Variants in ENTREP2 observed in about 807,000 individuals in gnomAD.
ENTREP2 encodes the protein endosomal transmembrane epsin interactor 2.
the ENTREP2 span, among the ~76,000 whole-genome samples, chr15:29,623,740 T>C: frequency 6.6e-6 from 1 of 151,996 alleles, no homozygotes; most frequent in East Asian, 1.9e-4. Context: ...CACTACTGGG[T>C]TGGGGCACAT....
the ENTREP2 span, among the ~76,000 whole-genome samples, chr15:29,532,303 A>G: frequency 6.6e-6 from 1 of 152,258 alleles, no homozygotes; most frequent in African/African-American, 2.4e-5. Context: ...TATATTTTAC[A>G]CATATTCTGC....
At chr15:29,272,021 G>A in the ENTREP2 span, among the ~76,000 whole-genome samples, 12 of 151,142 alleles carry the variant, frequency 7.9e-5, no homozygotes, top group Non-Finnish European at 1.6e-4. Context: ...GACTACCCCT[G>A]TCACTGTGAA....
the ENTREP2 span, among the ~76,000 whole-genome samples, chr15:29,325,005 A>G: frequency 6.6e-6 from 1 of 152,238 alleles, no homozygotes; most frequent in Non-Finnish European, 1.5e-5. Context: ...CTTAGACCAC[A>G]GTAGAATGAA....
the ENTREP2 span, among the ~76,000 whole-genome samples, chr15:29,599,128 A>T: frequency 6.6e-6 from 1 of 152,250 alleles, no homozygotes; most frequent in Non-Finnish European, 1.5e-5. Context: ...CCATATTCTC[A>T]GCTCTACTGG....
chr15:29,510,776 C>G, the ENTREP2 span, among the ~76,000 whole-genome samples: 2 of 147,258 alleles, frequency 1.4e-5, no homozygotes, highest in African/African-American at 5.1e-5. Context: ...CGCCACTACA[C>G]TCCAGCCTCG....
the ENTREP2 span, among the ~76,000 whole-genome samples, chr15:29,331,123 C>T: frequency 3.9e-5 from 6 of 152,162 alleles, no homozygotes; most frequent in Admixed American, 6.5e-5. Context: ...TTTACACTGA[C>T]GGAATGAGGG....
the ENTREP2 span, among the ~76,000 whole-genome samples, chr15:29,575,104 T>A: frequency 9.0e-3 from 1,377 of 152,214 alleles, 26 homozygotes; most frequent in African/African-American, 0.032. Flanking sequence ...TTCAGGAGTC[T>A]CCAAAGGTGG....
At chr15:29,419,310 G>T in the ENTREP2 span, among the ~76,000 whole-genome samples, 1 of 152,200 alleles carries the variant, frequency 6.6e-6, no homozygotes, top group Non-Finnish European at 1.5e-5. Flanking sequence ...TAATCAAAGA[G>T]AAAATATAAA....
the ENTREP2 span, among the ~76,000 whole-genome samples, chr15:29,178,459 T>C: frequency 6.6e-6 from 1 of 152,270 alleles, no homozygotes; most frequent in South Asian, 2.1e-4. Context: ...CTCTGTTTTT[T>C]GTTTTTTGTC....
At chr15:29,154,046 T>A in the ENTREP2 span, among the ~76,000 whole-genome samples, 2 of 152,264 alleles carry the variant, frequency 1.3e-5, no homozygotes, top group Non-Finnish European at 2.9e-5. Context: ...TGTTTTTAAT[T>A]TCATTTTCCA....
chr15:29,333,058 T>C, the ENTREP2 span, among the ~76,000 whole-genome samples: 1 of 151,506 alleles, frequency 6.6e-6, no homozygotes, highest in African/African-American at 2.4e-5. Flanking sequence ...TAGGGGTGAC[T>C]GGCAGAAACT....
chr15:29,654,572 T>A, the ENTREP2 span, among the ~76,000 whole-genome samples: 3 of 152,206 alleles, frequency 2.0e-5, no homozygotes, highest in Non-Finnish European at 2.9e-5. Flanking sequence ...ACACCCATCC[T>A]ACGCTCTCAA....
the ENTREP2 span, chr15:29,233,837 G>T: frequency 6.3e-7 from 1 of 1,581,500 alleles, no homozygotes; most frequent in Admixed American, 1.7e-5. Flanking sequence ...TTAAAAAGGA[G>T]TAGAATGAGG....
the ENTREP2 span, among the ~76,000 whole-genome samples, chr15:29,174,164 C>T: frequency 6.6e-6 from 1 of 152,200 alleles, no homozygotes; most frequent in African/African-American, 2.4e-5. Flanking sequence ...AGGTATTACT[C>T]TTGATTTTGG....
the ENTREP2 span, among the ~76,000 whole-genome samples, chr15:29,419,846 G>A: frequency 6.6e-6 from 1 of 151,910 alleles, no homozygotes; most frequent in Non-Finnish European, 1.5e-5. Context: ...CTTCAAAAAA[G>A]GAAGCTAAAA....
chr15:29,247,070 T>C, the ENTREP2 span, among the ~76,000 whole-genome samples: 1 of 151,332 alleles, frequency 6.6e-6, no homozygotes, highest in Non-Finnish European at 1.5e-5. Flanking sequence ...AAAGATTGAC[T>C]TTAGTTTAGA....
chr15:29,373,898 C>A, the ENTREP2 span: 5 of 151,686 alleles, frequency 3.3e-5, no homozygotes, highest in African/African-American at 1.2e-4. Context: ...ATGAAATACT[C>A]CTAAGCAGAA....
chr15:29,620,307 G>A, the ENTREP2 span, among the ~76,000 whole-genome samples: 3 of 152,106 alleles, frequency 2.0e-5, no homozygotes, highest in Non-Finnish European at 2.9e-5. Flanking sequence ...AGCAGACAGG[G>A]AATTGGGAGA....
At chr15:29,212,617 C>A in the ENTREP2 span, among the ~76,000 whole-genome samples, 1 of 152,186 alleles carries the variant, frequency 6.6e-6, no homozygotes, top group East Asian at 1.9e-4. Flanking sequence ...TTGATGCAGG[C>A]GTTTAGGGCT....
Sources: gnomAD v4.1 joint callset for allele counts (sites outside exome capture counted in the v4.1 genomes callset) on GRCh38, gnomAD v4.1.1 for gene constraint, MANE v1.5 for transcripts, NCBI Gene and HGNC (gene_info 2026-07-23, HGNC 2026-07-21) for gene names.